TACC2: variants seen among roughly 807,000 people sequenced by gnomAD.
The protein encoded by TACC2 is transforming acidic coiled-coil-containing protein 2.
A neutral mutation model predicts 227.3 loss-of-function variants in TACC2; 137 were observed. That is an observed-to-expected ratio of 0.60 (90% confidence interval 0.52 to 0.69). The LOEUF (loss-of-function observed/expected upper bound fraction) is 0.69. Among genes scored for constraint, TACC2 ranks in the 30% least tolerant of loss-of-function variants. The pLI, the probability that TACC2 is intolerant of heterozygous loss-of-function variation, is 0.00. For synonymous variants in TACC2, 1,523 were observed against 1,487.5 expected, an observed-to-expected ratio of 1.02 and a Z score of -0.55; for missense variants, 3,470 against 3,694.4, an observed-to-expected ratio of 0.94 and a Z score of 1.57.
At chr10:122,203,128 A>G (rs1187741865) in intron 8 of TACC2, among the ~76,000 whole-genome samples, 2 of 152,194 alleles carry the variant, frequency 1.3e-5, no homozygotes, top group African/African-American at 2.4e-5. Flanking sequence ...TTTCTATTCT[A>G]CAAAACCGCC....
At chr10:122,147,095 T>C (rs77430445) in intron 7 of TACC2, among the ~76,000 whole-genome samples, 2,894 of 152,280 alleles carry the variant, frequency 0.019, 36 homozygotes, top group Non-Finnish European at 0.031. Flanking sequence ...CTGCTGACAT[T>C]GACCTCAGTT....
Position 122,085,607 on chromosome 10 carries a change from C to T in TACC2, c.3107C>T (p.Ala1036Val). Residue 1036 changes from alanine (A) to valine (V), a missense_variant, in exon 4 of 23, where the codon GCA becomes GTA. Ala to Val is a moderately conservative substitution (Grantham distance 64). Transcript: ENST00000369005. Reference sequence around the variant, plus strand: ...TGGGGCTTGAGTAAGAGGGAGATGGCAAGTGGAAACACAGGGGAGGCCCCA... The same window carrying T: ...TGGGGCTTGAGTAAGAGGGAGATGGTAAGTGGAAACACAGGGGAGGCCCCA... Reference protein sequence around the residue: ...PLWGLSKREMASGNTGEAPPC... With the variant: ...PLWGLSKREMVSGNTGEAPPC... The T allele has an allele frequency of 6.2e-7, 1 of 1,613,328 alleles. No homozygotes were observed.
At chr10:122,172,831 G>A (rs1312968581) in intron 7 of TACC2, among the ~76,000 whole-genome samples, 2 of 152,148 alleles carry the variant, frequency 1.3e-5, no homozygotes, top group Admixed American at 6.5e-5. Flanking sequence ...GAGCAGACGG[G>A]GAGGGCAGGG....
intron 2 of TACC2, among the ~76,000 whole-genome samples, chr10:122,041,569 C>G (rs1012000205): frequency 1.3e-5 from 2 of 151,902 alleles, no homozygotes; most frequent in Non-Finnish European, 2.9e-5. Context: ...GTTTCAGCCT[C>G]CTGAGTAGCT....
chr10:122,128,165 T>G (rs980811118), intron 5 of TACC2, among the ~76,000 whole-genome samples: 2 of 151,970 alleles, frequency 1.3e-5, no homozygotes, highest in Admixed American at 1.3e-4. Flanking sequence ...CTTTCACTTT[T>G]ACAGACAGAA....
chr10:122,209,028 G>T lies in TACC2; in HGVS notation c.5972-1369G>T, dbSNP rs559117952. Among the ~76,000 whole-genome samples, 1 of 152,250 alleles carries T rather than the reference G, an allele frequency of 6.6e-6. No individual in the cohort carries two copies. Among genetic ancestry groups the T allele is most frequent in the African/African-American group, 2.4e-5 (1 of 41,466 alleles). The stretch of plus-strand genomic sequence containing the variant: ...TGGCCGGATCCCCATGGGCAGTAGG[G>T]TGGTGGCACCTTTGAGCATCATTTG... On this transcript the variant is annotated intron_variant, in intron 8 of 22. Coordinates refer to ENST00000369005, the MANE Select transcript of TACC2 (RefSeq NM_206862.4). This position sits in a 1 kb window ranked among gnomAD's most constrained non-coding sequence, Gnocchi z 4.5.
chr10:122,023,554 CA>C (rs1406770743), intron 2 of TACC2: 3 of 151,796 alleles, frequency 2.0e-5, no homozygotes, highest in African/African-American at 7.3e-5. Context: ...GACAGAAAAC[CA>C]AACACCATAT....
intron 3 of TACC2, among the ~76,000 whole-genome samples, chr10:122,062,450 T>C (rs1428673830): frequency 3.3e-5 from 5 of 149,416 alleles, no homozygotes; most frequent in African/African-American, 1.2e-4. Flanking sequence ...ATTACAGGCA[T>C]GCGCCACCAC....
At chr10:122,101,723 C>CGTTTTTTTTT (rs1406812091) in intron 5 of TACC2, among the ~76,000 whole-genome samples, 12 of 55,726 alleles carry the variant, frequency 2.2e-4, no homozygotes, top group Non-Finnish European at 3.0e-4. Context: ...CCATGCCCAG[C>CGTTTTTTTTT]TTTTTTTTTT....
chr10:122,195,709 C>T (rs144948623), intron 8 of TACC2, among the ~76,000 whole-genome samples: 143 of 152,250 alleles, frequency 9.4e-4, no homozygotes, highest in African/African-American at 2.9e-3. Flanking sequence ...TCCTTTTAGA[C>T]GGGTGGTTAG....
chr10:122,094,193 A>T (rs2081131030), intron 5 of TACC2, among the ~76,000 whole-genome samples: 1 of 152,258 alleles, frequency 6.6e-6, no homozygotes, highest in South Asian at 2.1e-4. Context: ...TATGTGTTTC[A>T]TAAGTAAAAT....
intron 5 of TACC2, among the ~76,000 whole-genome samples, chr10:122,103,887 C>T (rs552080573): frequency 6.6e-6 from 1 of 152,300 alleles, no homozygotes; most frequent in Admixed American, 6.5e-5. Flanking sequence ...TGCAGGAAGG[C>T]TTGGTTTCCT....
intron 7 of TACC2, among the ~76,000 whole-genome samples, chr10:122,152,999 C>T (rs7902004): frequency 5.2e-5 from 7 of 135,024 alleles, no homozygotes; most frequent in Non-Finnish European, 7.9e-5. Context: ...TTCTTTCTTT[C>T]TTTTTTTTTT....
intron 11 of TACC2, among the ~76,000 whole-genome samples, chr10:122,219,672 A>G (rs1312811170): frequency 6.6e-6 from 1 of 152,130 alleles, no homozygotes. Context: ...TTTTGATAGC[A>G]CCTATGGTGG....
intron 1 of TACC2, among the ~76,000 whole-genome samples, chr10:122,010,966 G>C (rs917803212): frequency 6.6e-6 from 1 of 152,170 alleles, no homozygotes; most frequent in East Asian, 1.9e-4. Context: ...TCAGCTGTGG[G>C]TTGGCTTGCT....
At chr10:122,228,136 C>T in intron 14 of TACC2, 128 bp downstream of exon 14, 1 of 970,912 alleles carries the variant, frequency 1.0e-6, no homozygotes, top group Non-Finnish European at 1.5e-6. Flanking sequence ...ACCCTGACTC[C>T]CTGACCACAG....
chr10:122,132,678 C>T lies in TACC2; in HGVS notation c.5643C>T (p.Ala1881=), dbSNP rs763662132. The T allele has an allele frequency of 6.2e-7, 1 of 1,614,206 alleles. No homozygotes were observed. The highest frequency in any genetic ancestry group is 8.5e-7 in the Non-Finnish European group (1 of 1,180,042). Reference sequence around the variant, plus strand: ...ACCTGGAAAGCCCAACCTTAGCTGCCTCTTCCTACCACGGTGATGTTGTTG... The same window carrying T: ...ACCTGGAAAGCCCAACCTTAGCTGCTTCTTCCTACCACGGTGATGTTGTTG... ...PADLESPTLA[A]SSYHGDVVGQ... Residue 1881 remains alanine, a synonymous_variant, in exon 6 of 23, where the codon GCC becomes GCT. Coordinates refer to ENST00000369005, the MANE Select transcript of TACC2 (RefSeq NM_206862.4).
chr10:122,087,967 AATGAAAAAATTC>A lies in TACC2; in HGVS notation c.5459+9_5459+20del, dbSNP rs1469680143. The A allele has an allele frequency of 2.7e-6, 4 of 1,494,796 alleles. No individual in the cohort carries two copies. Among genetic ancestry groups the A allele is most frequent in the Non-Finnish European group, 3.6e-6 (4 of 1,123,104 alleles). The allele number at this position is 1,494,796 out of a possible 1,614,324, so 92.6% of individuals were successfully genotyped here. ...AGAGCTCCACACTGACAGGTACTTA[AATGAAAAAATTC>A]CCACGGGAATGTGTGGTCAGTTTCA... is the stretch of plus-strand genomic sequence containing the variant. On this transcript the variant is annotated intron_variant, in intron 4 of 22. Transcript: ENST00000369005.
At position 122,085,689 on chromosome 10, in the gene TACC2, G is replaced by A; in HGVS notation, c.3189G>A (p.Leu1063=). The stretch of plus-strand genomic sequence containing the variant: ...ATGCAGTTCCCTGCCTGCCAGCCCT[G>A]GCGCCCGCCAGCCCCGGAGTCACAC... ...LLDAVPCLPA[L]APASPGVTPT... Residue 1063 remains leucine, a synonymous_variant, in exon 4 of 23, where the codon CTG becomes CTA. Transcript: ENST00000369005. The A allele has an allele frequency of 6.2e-7, 1 of 1,613,680 alleles. No individual in the cohort carries two copies. Among genetic ancestry groups the A allele is most frequent in the East Asian group, 2.2e-5 (1 of 44,868 alleles).
Sources: gnomAD v4.1 joint callset for allele counts (sites outside exome capture counted in the v4.1 genomes callset) on GRCh38, gnomAD v4.1.1 for gene constraint, Gnocchi (gnomAD v3.1) non-coding constraint, MANE v1.5 for transcripts, NCBI Gene and HGNC (gene_info 2026-07-23, HGNC 2026-07-21) for gene names.